Variants in GLIS3 observed in about 807,000 individuals in gnomAD.
The protein encoded by GLIS3 is zinc finger protein GLIS3.
A neutral mutation model predicts 78.6 loss-of-function variants in GLIS3; 53 were observed. The ratio of observed to expected loss-of-function variants is 0.67; its 90% CI spans 0.54 to 0.85. The LOEUF (loss-of-function observed/expected upper bound fraction) is 0.85, where lower values mean the gene tolerates loss of function less well. GLIS3 is among the 40% of genes least tolerant of loss of function. GLIS3 has a pLI of 0.00. For synonymous variants in GLIS3, 684 were observed against 509.9 expected, an observed-to-expected ratio of 1.34 and a Z score of -4.60; for missense variants, 1,703 against 1,231.1, an observed-to-expected ratio of 1.38 and a Z score of -5.74.
rs556205278 is a variant in GLIS3, at chr9:3,858,385, C to G, written c.2298-2201G>C. On this transcript the variant is annotated intron_variant, in intron 8 of 10. Transcript: ENST00000381971. ...AAGTTCCAAACCAGGGCCATGCTCTCTTGACTACCAAATATTACCCAGTAT... is the reference window on the plus strand; with the variant it reads ...AAGTTCCAAACCAGGGCCATGCTCTGTTGACTACCAAATATTACCCAGTAT... Among the ~76,000 whole-genome samples, 6 of 152,234 alleles carry G rather than the reference C, an allele frequency of 3.9e-5. 1 individual carries two copies. The highest frequency in any genetic ancestry group is 6.8e-3 in the Middle Eastern group (2 of 294).
At chr9:4,101,145 A>G (rs534983589) in intron 4 of GLIS3, among the ~76,000 whole-genome samples, 1 of 152,344 alleles carries the variant, frequency 6.6e-6, no homozygotes, top group East Asian at 1.9e-4. Flanking sequence ...CTGGTGTATG[A>G]CCTTACATAA....
At chr9:3,996,517 C>T (rs938285277) in intron 4 of GLIS3, among the ~76,000 whole-genome samples, 1 of 152,092 alleles carries the variant, frequency 6.6e-6, no homozygotes, top group African/African-American at 2.4e-5. Context: ...ATTAAAAGTG[C>T]ATGTTGAAAT....
At chr9:3,847,917 A>G (rs1191881130) in intron 9 of GLIS3, among the ~76,000 whole-genome samples, 1 of 151,300 alleles carries the variant, frequency 6.6e-6, no homozygotes. Context: ...GCTGATATGG[A>G]AAATTATTCC....
chr9:4,366,766 A>C, the GLIS3 span, among the ~76,000 whole-genome samples: 1 of 152,194 alleles, frequency 6.6e-6, no homozygotes, highest in Non-Finnish European at 1.5e-5. Flanking sequence ...GGGCACAGAG[A>C]GCAGGGACTG....
the GLIS3 span, among the ~76,000 whole-genome samples, chr9:4,366,606 A>G: frequency 6.6e-6 from 1 of 152,246 alleles, no homozygotes. Flanking sequence ...CTGGAGGAAC[A>G]CAAACGTTTT....
chr9:4,370,428 AT>A, the GLIS3 span, among the ~76,000 whole-genome samples: 1 of 151,794 alleles, frequency 6.6e-6, no homozygotes, highest in Non-Finnish European at 1.5e-5. Context: ...TTCTCGTTAG[AT>A]TTTCAGCTGT....
intron 8 of GLIS3, among the ~76,000 whole-genome samples, chr9:3,858,411 A>C (rs933989367): frequency 3.3e-5 from 5 of 152,202 alleles, no homozygotes; most frequent in African/African-American, 1.2e-4. Flanking sequence ...TACCCAGTAT[A>C]ATAATATCAT....
chr9:4,298,205 G>A (rs1315732336), intron 1 of GLIS3, among the ~76,000 whole-genome samples: 2 of 152,042 alleles, frequency 1.3e-5, no homozygotes, highest in African/African-American at 4.8e-5. Context: ...GGAGCCTGTA[G>A]CCCGGGGGCG....
At chr9:4,137,665 T>C (rs1311414869) in intron 2 of GLIS3, among the ~76,000 whole-genome samples, 1 of 152,188 alleles carries the variant, frequency 6.6e-6, no homozygotes, top group Admixed American at 6.5e-5. Context: ...TCCTGGAGTT[T>C]GTATTCTAAA....
chr9:3,849,654 TC>T (rs2130164927), intron 9 of GLIS3, among the ~76,000 whole-genome samples: 2 of 152,228 alleles, frequency 1.3e-5, no homozygotes, highest in East Asian at 3.9e-4. Context: ...ATGCCTGTAA[TC>T]CCAGCACTTT....
intron 8 of GLIS3, among the ~76,000 whole-genome samples, chr9:3,875,853 C>G (rs1000743609): frequency 1.3e-5 from 2 of 152,152 alleles, no homozygotes; most frequent in African/African-American, 4.8e-5. Flanking sequence ...ATTCTCCCAT[C>G]ATATAAAGTA....
intron 4 of GLIS3, among the ~76,000 whole-genome samples, chr9:3,953,793 C>A (rs911483355): frequency 0.075 from 3,380 of 45,200 alleles, 64 homozygotes; most frequent in African/African-American, 0.13. Flanking sequence ...CTCTCTCTCT[C>A]TCTATATATA....
intron 2 of GLIS3, among the ~76,000 whole-genome samples, chr9:4,339,917 G>A (rs1431315978): frequency 7.1e-6 from 1 of 140,414 alleles, no homozygotes; most frequent in South Asian, 2.5e-4. Context: ...GAGACAGAAA[G>A]GTAAAGCAAG....
upstream of GLIS3, among the ~76,000 whole-genome samples, chr9:4,303,305 CCA>C (rs1169536398): frequency 6.6e-6 from 1 of 151,740 alleles, no homozygotes; most frequent in African/African-American, 2.4e-5. Flanking sequence ...TGGCAACAGT[CCA>C]GTTACGTAGA....
intron 9 of GLIS3, among the ~76,000 whole-genome samples, chr9:3,832,179 T>G (rs1818084072): frequency 6.7e-6 from 1 of 150,158 alleles, no homozygotes; most frequent in African/African-American, 2.4e-5. Flanking sequence ...TACTTACATA[T>G]TATACAATTT....
chr9:3,883,679 G>A (rs549434556), intron 7 of GLIS3, among the ~76,000 whole-genome samples: 1 of 152,304 alleles, frequency 6.6e-6, no homozygotes, highest in South Asian at 2.1e-4. Flanking sequence ...GCTGCCCACA[G>A]GAGCAGCCTT....
chr9:4,033,994 G>A (rs1269205284), intron 4 of GLIS3, among the ~76,000 whole-genome samples: 1 of 151,770 alleles, frequency 6.6e-6, no homozygotes, highest in African/African-American at 2.4e-5. Context: ...GGCTGAGGCA[G>A]GAGGATTCCT....
rs1041069222 is a variant in GLIS3 at position 3,824,777 on chromosome 9, A to T, written c.*3495T>A. 1.3e-5 allele frequency: 2 copies of T among 152,532 alleles called. No homozygotes were observed. The highest frequency in any genetic ancestry group is 4.2e-4 in the South Asian group (2 of 4,812). The allele number at this position is 152,532 out of a possible 1,614,324, so 9.4% of individuals were successfully genotyped here. ...GTACAAGAGTCTGTGTGATTTATGG[A>T]AAACAGATTTCCACTTTTTTCCCCC... On this transcript the variant is annotated 3_prime_UTR_variant, in exon 11 of 11. Transcript: ENST00000381971.
the GLIS3 span, among the ~76,000 whole-genome samples, chr9:4,385,911 T>G: frequency 1.1e-4 from 16 of 152,284 alleles, no homozygotes; most frequent in South Asian, 1.9e-3. Context: ...TCTAATCTCC[T>G]GTACCACTTA....
Sources: allele counts gnomAD v4.1 joint callset (sites outside exome capture counted in the v4.1 genomes callset), GRCh38; gene constraint gnomAD v4.1.1; transcripts MANE v1.5; gene names NCBI Gene and HGNC (gene_info 2026-07-23, HGNC 2026-07-21).